Variants in CMTM8 observed in about 807,000 individuals in gnomAD.
CMTM8 encodes the protein CKLF-like MARVEL transmembrane domain-containing protein 8.
A neutral mutation model predicts 18.6 loss-of-function variants in CMTM8; 12 were observed. That is an observed-to-expected ratio of 0.65 (90% confidence interval 0.41 to 1.05). The LOEUF is 1.05. Ranked by LOEUF, CMTM8 falls within the 50% of genes least tolerant of loss-of-function variation. CMTM8 has a pLI of 0.00. For missense variants in CMTM8, 217 were observed against 227.2 expected (o/e 0.95, Z 0.29); for synonymous variants, 87 against 90.6 (o/e 0.96, Z 0.23).
chr3:32,291,728 T>C (rs921734254), intron 1 of CMTM8, among the ~76,000 whole-genome samples: 1 of 152,188 alleles, frequency 6.6e-6, no homozygotes, highest in African/African-American at 2.4e-5. Flanking sequence ...TTGAATTGCC[T>C]TTTTCCCACT....
intron 1 of CMTM8, among the ~76,000 whole-genome samples, chr3:32,283,623 A>G (rs1409355611): frequency 6.6e-6 from 1 of 152,214 alleles, no homozygotes; most frequent in Non-Finnish European, 1.5e-5. Flanking sequence ...CCTACATAGC[A>G]GGATGTTTAC....
chr3:32,269,179 A>G (rs1210181115), intron 1 of CMTM8, among the ~76,000 whole-genome samples: 1 of 152,234 alleles, frequency 6.6e-6, no homozygotes, highest in Non-Finnish European at 1.5e-5. Context: ...AGTAAACAAT[A>G]TTGAGGACTT....
intron 1 of CMTM8, among the ~76,000 whole-genome samples, chr3:32,340,002 A>G (rs1696462569): frequency 6.6e-6 from 1 of 152,194 alleles, no homozygotes; most frequent in South Asian, 2.1e-4. Context: ...TTGCAGGGGT[A>G]GAAGGAGGAG....
At chr3:32,366,433 G>A (rs1379055752) in intron 2 of CMTM8, among the ~76,000 whole-genome samples, 2 of 152,246 alleles carry the variant, frequency 1.3e-5, no homozygotes, top group Middle Eastern at 3.4e-3. Flanking sequence ...CAGGACGTCA[G>A]GGCAGTTCTG....
chr3:32,316,395 T>C (rs1431744364), intron 1 of CMTM8, among the ~76,000 whole-genome samples: 1 of 152,152 alleles, frequency 6.6e-6, no homozygotes, highest in Non-Finnish European at 1.5e-5. Context: ...TTGGCCATTG[T>C]CTTAAAAAAA....
At chr3:32,251,988 G>T (rs1021714867) in intron 1 of CMTM8, among the ~76,000 whole-genome samples, 1 of 152,108 alleles carries the variant, frequency 6.6e-6, no homozygotes, top group Non-Finnish European at 1.5e-5. Flanking sequence ...TACTTGGGAG[G>T]CTGAGGTGGG....
intron 3 of CMTM8, among the ~76,000 whole-genome samples, chr3:32,368,321 A>AT (rs1697083432): frequency 6.6e-6 from 1 of 152,198 alleles, no homozygotes; most frequent in African/African-American, 2.4e-5. Context: ...AATGAACAGA[A>AT]TATAATTCCA....
chr3:32,310,280 G>A (rs537792500), intron 1 of CMTM8, among the ~76,000 whole-genome samples: 2 of 152,228 alleles, frequency 1.3e-5, no homozygotes, highest in Admixed American at 6.5e-5. Context: ...TTCCAGCGTG[G>A]CAGAATTCTA....
chr3:32,357,194 A>G (rs1364028585), intron 1 of CMTM8, among the ~76,000 whole-genome samples, 179 bp from the exon 2 acceptor site: 1 of 152,204 alleles, frequency 6.6e-6, no homozygotes, highest in Non-Finnish European at 1.5e-5. Flanking sequence ...CAGTGAGCCA[A>G]GATTGCTCCA....
intron 1 of CMTM8, among the ~76,000 whole-genome samples, chr3:32,311,040 A>G (rs1299412819): frequency 6.6e-6 from 1 of 152,198 alleles, no homozygotes; most frequent in African/African-American, 2.4e-5. Flanking sequence ...ACTAATGTAA[A>G]CGACCTGGAT....
chr3:32,361,077 G>C (rs992161648), intron 2 of CMTM8, among the ~76,000 whole-genome samples: 3 of 152,150 alleles, frequency 2.0e-5, no homozygotes, highest in African/African-American at 7.2e-5. Context: ...CACCTCCCGG[G>C]TTCAAGCGAT....
chr3:32,366,877 C>G (rs370431498), intron 2 of CMTM8, among the ~76,000 whole-genome samples: 1 of 152,198 alleles, frequency 6.6e-6, no homozygotes, highest in African/African-American at 2.4e-5. Context: ...TGATGAAGCC[C>G]TTGTCTTAAA....
chr3:32,345,802 G>T (rs1696584992), intron 1 of CMTM8, among the ~76,000 whole-genome samples: 1 of 152,220 alleles, frequency 6.6e-6, no homozygotes, highest in Non-Finnish European at 1.5e-5. Context: ...AAAGAAACAG[G>T]TGATATAAAT....
intron 1 of CMTM8, among the ~76,000 whole-genome samples, chr3:32,254,793 G>T (rs1702156118): frequency 6.6e-6 from 1 of 151,954 alleles, no homozygotes; most frequent in Non-Finnish European, 1.5e-5. Flanking sequence ...ATACAACTAA[G>T]TGGCTTTTAG....
chr3:32,337,676 C>G (rs1696412854), intron 1 of CMTM8, among the ~76,000 whole-genome samples: 1 of 152,206 alleles, frequency 6.6e-6, no homozygotes, highest in South Asian at 2.1e-4. Flanking sequence ...AGACACCTTG[C>G]TGGGCTCCTT....
At chr3:32,335,815 G>A (rs945132997) in intron 1 of CMTM8, among the ~76,000 whole-genome samples, 2 of 152,350 alleles carry the variant, frequency 1.3e-5, no homozygotes, top group South Asian at 4.1e-4. Context: ...ATGTCTGCCA[G>A]GGCCCTTTCA....
intron 1 of CMTM8, among the ~76,000 whole-genome samples, chr3:32,331,210 T>C (rs1245530784): frequency 1.3e-5 from 2 of 152,170 alleles, no homozygotes; most frequent in Non-Finnish European, 2.9e-5. Context: ...AAGCATATGG[T>C]AATATGAGCA....
chr3:32,319,057 CATATAT>C (rs1553605520), intron 1 of CMTM8, among the ~76,000 whole-genome samples: 16 of 45,886 alleles, frequency 3.5e-4, no homozygotes, highest in South Asian at 1.4e-3. Flanking sequence ...TGTGTATATA[CATATAT>C]ATATATATAT....
intron 1 of CMTM8, among the ~76,000 whole-genome samples, chr3:32,273,871 A>AT (rs1241276133): frequency 2.0e-5 from 3 of 152,150 alleles, no homozygotes; most frequent in African/African-American, 4.8e-5. Context: ...TTTTAAAAAA[A>AT]GCTGGAAGCT....
Sources: gnomAD v4.1 joint callset for allele counts (sites outside exome capture counted in the v4.1 genomes callset) on GRCh38, gnomAD v4.1.1 for gene constraint, MANE v1.5 for transcripts, NCBI Gene and HGNC (gene_info 2026-07-23, HGNC 2026-07-21) for gene names.